Variants in SYNJ2 observed in about 807,000 individuals in gnomAD.
SYNJ2 encodes the protein synaptojanin 2.
SYNJ2 carries 116 observed loss-of-function variants against 141.3 expected under a neutral mutation model. The observed-to-expected ratio is 0.82, with a 90% CI of 0.71 to 0.96. The LOEUF (loss-of-function observed/expected upper bound fraction) is 0.96, where lower values mean the gene tolerates loss of function less well. Among genes scored for constraint, SYNJ2 ranks in the 40% least tolerant of loss-of-function variants. The pLI is 0.00. For synonymous variants in SYNJ2, 745 were observed against 777.7 expected (o/e 0.96, Z 0.70); for missense variants, 1,873 against 1,934.8 (o/e 0.97, Z 0.60).
chr6:158,067,322 C>A, intron 12 of SYNJ2: 1 of 655,828 alleles, frequency 1.5e-6, no homozygotes, highest in Non-Finnish European at 1.9e-6. Flanking sequence ...CCTGGCCCTG[C>A]CTTCAGTGTT....
intron 26 of SYNJ2, among the ~76,000 whole-genome samples, 165 bp downstream of exon 26, chr6:158,093,269 C>T (rs143705938): frequency 0.019 from 2,886 of 152,102 alleles, 52 homozygotes; most frequent in Non-Finnish European, 0.03. Flanking sequence ...AACCCCGTCT[C>T]TACTAAAAAT....
chr6:158,007,684 G>A lies in SYNJ2; in HGVS notation c.128-9520G>A, dbSNP rs182384750. ...TTAGACGGAGTTTCGCTCTTGTCAC[G>A]CAGGCTGGAGTGCAGTGGCGTGACC... On this transcript the variant is annotated intron_variant, in intron 1 of 26. Transcript: ENST00000355585. Among the ~76,000 whole-genome samples the A allele has an allele frequency of 1.2e-3, 189 of 152,000 alleles. 1 individual carries two copies. Among genetic ancestry groups the A allele is most frequent in the Non-Finnish European group, 2.1e-3 (146 of 67,958 alleles).
Position 158,092,927 on chromosome 6 carries a change from T to C in SYNJ2, c.3567T>C (p.Gly1189=). 1.9e-6 allele frequency: 3 copies of C among 1,582,182 alleles called. No individual in the cohort carries two copies. Among genetic ancestry groups the C allele is most frequent in the Non-Finnish European group, 2.6e-6 (3 of 1,169,952 alleles). The change falls in exon 26 of 27, where the codon GGT becomes GGC. Residue 1189 remains glycine (G), a splice_region_variant and synonymous_variant. Transcript: ENST00000355585. ...AIRCLLEARG[G]ASEEALSAVA... ...CAGCCATGTGGTTTTATGTTTCAGG[T>C]GCCTCCGAAGAAGCCCTAAGTGCCG... is the stretch of plus-strand genomic sequence containing the variant.
At chr6:158,050,432 G>A (rs1377973631) in intron 5 of SYNJ2, among the ~76,000 whole-genome samples, 1 of 152,236 alleles carries the variant, frequency 6.6e-6, no homozygotes, top group Non-Finnish European at 1.5e-5. Flanking sequence ...CCCGGGGGTG[G>A]TGCTCCCGAC....
At chr6:157,991,738 A>G (rs1026424694) in intron 1 of SYNJ2, among the ~76,000 whole-genome samples, 2 of 152,242 alleles carry the variant, frequency 1.3e-5, no homozygotes, top group African/African-American at 4.8e-5. Context: ...AAAATCGAAG[A>G]TGGCTTTGAG....
rs1027768821 is a variant in SYNJ2 at position 158,029,031 on chromosome 6, G to A, written c.485+5G>A. The stretch of plus-strand genomic sequence containing the variant: ...ATGGGGGAACTCCTTCTTCTGGTGA[G>A]GCCCTGGGTCCCCTGCAGAGGGTGG... On this transcript the variant is annotated splice_donor_5th_base_variant and intron_variant, in intron 3 of 26. Transcript: ENST00000355585. The A allele has an allele frequency of 4.3e-6, 7 of 1,612,904 alleles. No individual in the cohort carries two copies. The highest frequency in any genetic ancestry group is 5.9e-6 in the Non-Finnish European group (7 of 1,179,608).
intron 1 of SYNJ2, among the ~76,000 whole-genome samples, chr6:157,992,387 T>C (rs1777473659): frequency 7.0e-6 from 1 of 143,244 alleles, no homozygotes; most frequent in African/African-American, 2.7e-5. Context: ...TGTCTTTCTG[T>C]GCCTGGCTTG....
intron 15 of SYNJ2, among the ~76,000 whole-genome samples, chr6:158,073,307 C>T (rs1356344444): frequency 1.3e-5 from 2 of 149,722 alleles, no homozygotes; most frequent in African/African-American, 2.5e-5. Flanking sequence ...AAGCAATTCT[C>T]CTGGCTCAGC....
chr6:158,041,304 C>A (rs1026416248), intron 4 of SYNJ2, among the ~76,000 whole-genome samples: 17 of 152,226 alleles, frequency 1.1e-4, no homozygotes, highest in African/African-American at 3.1e-4. Context: ...CCCCAAGAGC[C>A]CTCTGTCAAA....
intron 1 of SYNJ2, among the ~76,000 whole-genome samples, chr6:157,989,438 A>G (rs973145603): frequency 1.9e-5 from 2 of 106,116 alleles, no homozygotes; most frequent in African/African-American, 1.1e-4. Flanking sequence ...ATATATATAT[A>G]TATATATATA....
intron 1 of SYNJ2, among the ~76,000 whole-genome samples, chr6:158,004,316 G>T (rs114360927): frequency 0.012 from 1,789 of 152,236 alleles, 36 homozygotes; most frequent in African/African-American, 0.041. Flanking sequence ...GCTAAAACAG[G>T]TTGTGGTACA....
At position 158,084,265 on chromosome 6, in the gene SYNJ2, G is replaced by A; in HGVS notation, c.3208+91G>A. 7.1e-7 allele frequency: 1 copy of A among 1,417,912 alleles called. No homozygotes were observed. The highest frequency in any genetic ancestry group is 9.6e-7 in the Non-Finnish European group (1 of 1,043,122). The allele number at this position is 1,417,912 out of a possible 1,614,324, so 87.8% of individuals were successfully genotyped here. ...TTCTCTTGGCGATTGGGCACTGTGT[G>A]ATATCAAGTATGCAGGTCCCAGGAG... On this transcript the variant is annotated intron_variant, in intron 22 of 26. Coordinates refer to ENST00000355585, the MANE Select transcript of SYNJ2 (RefSeq NM_003898.4). The surrounding 1 kb of genome is among the most constrained non-coding windows in gnomAD (Gnocchi z 5.0).
intron 12 of SYNJ2, chr6:158,067,883 G>A (rs953714288): frequency 3.0e-6 from 3 of 985,206 alleles, no homozygotes; most frequent in Middle Eastern, 5.2e-4. Flanking sequence ...CCATCAACGC[G>A]GAGAGTGCTT....
intron 2 of SYNJ2, among the ~76,000 whole-genome samples, chr6:158,020,036 C>T (rs1778673890): frequency 8.6e-6 from 1 of 116,920 alleles, no homozygotes; most frequent in Non-Finnish European, 1.7e-5. Flanking sequence ...GTGACCCCAC[C>T]TGTGTGACTG....
intron 6 of SYNJ2, among the ~76,000 whole-genome samples, chr6:158,057,915 A>C (rs1780968479): frequency 6.6e-6 from 1 of 152,240 alleles, no homozygotes; most frequent in Non-Finnish European, 1.5e-5. Context: ...GCACGTGGAG[A>C]CGGGAGCCCG....
chr6:158,034,349 G>A (rs561901310), intron 4 of SYNJ2, among the ~76,000 whole-genome samples: 33 of 152,346 alleles, frequency 2.2e-4, no homozygotes, highest in South Asian at 4.1e-4. Context: ...GGAAAACCCC[G>A]GAAGGCACAT....
At position 158,034,448 on chromosome 6, in the gene SYNJ2, G is replaced by A. The variant is rs550951590; in HGVS notation, c.711+768G>A. On this transcript the variant is annotated intron_variant, in intron 4 of 26. Transcript: ENST00000355585. Reference sequence around the variant, plus strand: ...CGTCCCCCCTCGCTGCCGCTGCTGGGAGAGGAATGCCTTATGCGGACTTTG... The same window carrying A: ...CGTCCCCCCTCGCTGCCGCTGCTGGAAGAGGAATGCCTTATGCGGACTTTG... 3.0e-4 allele frequency among the ~76,000 whole-genome samples: 45 copies of A among 152,336 alleles called. No homozygotes were observed. In the East Asian group the frequency reaches 7.7e-3, roughly 26 times the overall value.
chr6:158,010,952 G>A (rs922186621), intron 1 of SYNJ2, among the ~76,000 whole-genome samples: 10 of 148,804 alleles, frequency 6.7e-5, no homozygotes, highest in African/African-American at 2.2e-4. Context: ...GCCTTGGGAC[G>A]ACAGGACATG....
At chr6:158,056,447 G>A (rs1294600162) in intron 6 of SYNJ2, among the ~76,000 whole-genome samples, 2 of 152,210 alleles carry the variant, frequency 1.3e-5, no homozygotes, top group Non-Finnish European at 2.9e-5. Context: ...TGTCCAGGAA[G>A]TCTCTTCTGT....
Sources: allele counts gnomAD v4.1 joint callset (sites outside exome capture counted in the v4.1 genomes callset), GRCh38; gene constraint gnomAD v4.1.1; non-coding constraint Gnocchi (gnomAD v3.1); transcripts MANE v1.5; gene names NCBI Gene and HGNC (gene_info 2026-07-23, HGNC 2026-07-21).